Variants in RTL4 observed in about 807,000 individuals in gnomAD.
RTL4 encodes the protein retrotransposon Gag like 4, also known as retrotransposon Gag-like protein 4.
RTL4 carries 4 observed loss-of-function variants against 5.3 expected under a neutral mutation model. The ratio of observed to expected loss-of-function variants is 0.75; its 90% CI spans 0.37 to 1.72. The LOEUF is 1.72. RTL4 is among the 40% of genes most tolerant of loss of function. RTL4 has a pLI of 0.04. For synonymous variants in RTL4, 98 were observed against 87.3 expected (o/e 1.12, Z -0.68); for missense variants, 260 against 227.1 (o/e 1.14, Z -0.93).
chrX:112,380,186 G>A, the RTL4 span, among the ~76,000 whole-genome samples: 1 of 103,817 alleles, frequency 9.6e-6, no homozygotes, highest in African/African-American at 3.7e-5. Flanking sequence ...TCGCTGTGTT[G>A]CCCAGGCTGG....
chrX:112,090,780 T>C, the RTL4 span, among the ~76,000 whole-genome samples: 1 of 110,923 alleles, frequency 9.0e-6, no homozygotes, highest in South Asian at 3.8e-4. Context: ...TTAGGAAGTA[T>C]CCTCTCCTAT....
At chrX:112,407,025 T>A in the RTL4 span, among the ~76,000 whole-genome samples, 4 of 109,910 alleles carry the variant, frequency 3.6e-5, no homozygotes, top group Non-Finnish European at 7.6e-5. Context: ...ATCGAGGGCC[T>A]TGGGTGAGAT....
At chrX:112,187,983 GATA>G in the RTL4 span, among the ~76,000 whole-genome samples, 1 of 111,749 alleles carries the variant, frequency 8.9e-6, no homozygotes, top group African/African-American at 3.2e-5. Context: ...CGATGATGAT[GATA>G]ATGATGATCA....
the RTL4 span, among the ~76,000 whole-genome samples, chrX:112,128,243 G>A: frequency 8.9e-6 from 1 of 111,749 alleles, no homozygotes; most frequent in Non-Finnish European, 1.9e-5. Flanking sequence ...TAATAGAATT[G>A]AGACTCCAGA....
At chrX:112,365,352 G>A in the RTL4 span, among the ~76,000 whole-genome samples, 4 of 110,858 alleles carry the variant, frequency 3.6e-5, no homozygotes, top group East Asian at 2.9e-4. Flanking sequence ...ATGAAGAGTC[G>A]TGTTAGTGTA....
the RTL4 span, among the ~76,000 whole-genome samples, chrX:112,176,609 T>C: frequency 8.9e-6 from 1 of 111,736 alleles, no homozygotes; most frequent in Non-Finnish European, 1.9e-5. Context: ...TTGATACATG[T>C]GTACAGTATG....
At chrX:112,109,418 G>C in the RTL4 span, among the ~76,000 whole-genome samples, 1 of 111,719 alleles carries the variant, frequency 9.0e-6, no homozygotes, top group Non-Finnish European at 1.9e-5. Flanking sequence ...GACCCGAGCA[G>C]GTTGCTGCTG....
At chrX:112,379,165 C>A in the RTL4 span, among the ~76,000 whole-genome samples, 1 of 112,273 alleles carries the variant, frequency 8.9e-6, no homozygotes, top group Non-Finnish European at 1.9e-5. Flanking sequence ...CTACAATACC[C>A]AGAAGTTGCT....
the RTL4 span, among the ~76,000 whole-genome samples, chrX:112,383,595 T>C: frequency 4.5e-5 from 5 of 111,732 alleles, no homozygotes; most frequent in African/African-American, 1.6e-4. Context: ...CGAATAAACC[T>C]GGGTGCCCAC....
chrX:112,287,201 A>G, the RTL4 span, among the ~76,000 whole-genome samples: 1 of 111,741 alleles, frequency 8.9e-6, no homozygotes, highest in Middle Eastern at 4.6e-3. Context: ...AGGAAAGGCT[A>G]TTATAAAGAG....
At chrX:112,085,774 A>C in the RTL4 span, among the ~76,000 whole-genome samples, 1 of 112,188 alleles carries the variant, frequency 8.9e-6, no homozygotes, top group African/African-American at 3.2e-5. Context: ...TTTTAACCTT[A>C]ATTCTACCCA....
chrX:112,237,549 C>T, the RTL4 span, among the ~76,000 whole-genome samples: 1 of 112,319 alleles, frequency 8.9e-6, no homozygotes, highest in African/African-American at 3.2e-5. Context: ...CTCCAGGAAA[C>T]AGCTCCCGTA....
chrX:112,146,874 A>T, the RTL4 span, among the ~76,000 whole-genome samples: 2 of 105,954 alleles, frequency 1.9e-5, no homozygotes, highest in South Asian at 8.9e-4. Flanking sequence ...CACTATCATC[A>T]TCATCATCAT....
At chrX:112,195,228 C>T in the RTL4 span, among the ~76,000 whole-genome samples, 2 of 111,687 alleles carry the variant, frequency 1.8e-5, no homozygotes, top group Admixed American at 1.9e-4. Context: ...TGGTGACTAT[C>T]ATATTCCCTA....
chrX:112,340,062 C>A, the RTL4 span, among the ~76,000 whole-genome samples: 1 of 112,437 alleles, frequency 8.9e-6, no homozygotes, highest in Non-Finnish European at 1.9e-5. Context: ...GTAGTTCAGC[C>A]TTTAGCCAGG....
At chrX:112,455,344 C>A in exon 1 of RTL4, 1 of 1,211,606 alleles carries the variant, frequency 8.3e-7, no homozygotes. Flanking sequence ...GGACAATCTT[C>A]CAGACCTGAT....
At chrX:112,325,062 G>A in the RTL4 span, among the ~76,000 whole-genome samples, 1 of 111,277 alleles carries the variant, frequency 9.0e-6, no homozygotes, top group Non-Finnish European at 1.9e-5. Context: ...GCTTCAAAGA[G>A]AATAAAATAC....
chrX:112,297,464 T>TAC, the RTL4 span, among the ~76,000 whole-genome samples: 2 of 110,796 alleles, frequency 1.8e-5, no homozygotes, highest in African/African-American at 3.3e-5. Context: ...GGGAAGGTGC[T>TAC]ACACACTTTT....
chrX:112,352,317 T>C, the RTL4 span, among the ~76,000 whole-genome samples: 22,848 of 109,310 alleles, frequency 0.21, 1,852 homozygotes, highest in Admixed American at 0.33. Context: ...CTTCACAGAA[T>C]TGGAAAAAAA....
Sources: gnomAD v4.1 joint callset for allele counts (sites outside exome capture counted in the v4.1 genomes callset) on GRCh38, gnomAD v4.1.1 for gene constraint, MANE v1.5 for transcripts, NCBI Gene and HGNC (gene_info 2026-07-23, HGNC 2026-07-21) for gene names.